AUTS2: variants seen among roughly 807,000 people sequenced by gnomAD.
AUTS2 encodes activator of transcription and developmental regulator AUTS2.
AUTS2 carries 17 observed loss-of-function variants against 112.4 expected under a neutral mutation model. The observed-to-expected ratio is 0.15, with a 90% CI of 0.10 to 0.23. AUTS2 has a LOEUF of 0.23. Among genes scored for constraint, AUTS2 ranks in the 10% least tolerant of loss-of-function variants. The pLI is 1.00. For missense variants in AUTS2, 1,510 were observed against 1,701.6 expected (o/e 0.89, Z 1.98); for synonymous variants, 751 against 702.7 (o/e 1.07, Z -1.09).
intron 1 of AUTS2, among the ~76,000 whole-genome samples, chr7:69,745,532 A>G (rs528321115): frequency 2.0e-5 from 3 of 152,286 alleles, no homozygotes; most frequent in South Asian, 4.1e-4. Flanking sequence ...TTTTCTTCTC[A>G]TTACGTCTGC....
chr7:69,653,704 A>G (rs1214831474), intron 1 of AUTS2, among the ~76,000 whole-genome samples: 1 of 149,244 alleles, frequency 6.7e-6, no homozygotes, highest in Non-Finnish European at 1.5e-5. Context: ...TTATTGATTC[A>G]CGATTACCTA....
intron 2 of AUTS2, among the ~76,000 whole-genome samples, chr7:70,034,075 A>G (rs1800896994): frequency 1.3e-5 from 2 of 152,208 alleles, no homozygotes. Context: ...GCCATAGCCC[A>G]TAAATATGGT....
At chr7:70,351,334 G>T (rs1030666672) in intron 4 of AUTS2, among the ~76,000 whole-genome samples, 1 of 152,168 alleles carries the variant, frequency 6.6e-6, no homozygotes. Flanking sequence ...GATTATAGGC[G>T]TGAGGCACCG....
intron 2 of AUTS2, among the ~76,000 whole-genome samples, chr7:69,966,753 C>T (rs1797649870): frequency 6.6e-6 from 1 of 152,166 alleles, no homozygotes; most frequent in Non-Finnish European, 1.5e-5. Flanking sequence ...GATTTCACCC[C>T]TTTCTCTCTG....
At chr7:70,715,110 A>G (rs1365163567) in intron 6 of AUTS2, among the ~76,000 whole-genome samples, 1 of 152,216 alleles carries the variant, frequency 6.6e-6, no homozygotes, top group Non-Finnish European at 1.5e-5. Flanking sequence ...TTCTTTGGTT[A>G]CACTCAAATA....
chr7:70,626,697 A>G (rs1229668660), intron 5 of AUTS2, among the ~76,000 whole-genome samples: 4 of 151,978 alleles, frequency 2.6e-5, no homozygotes, highest in Non-Finnish European at 5.9e-5. Context: ...CCCAATGTCT[A>G]TTGTTGCCAT....
intron 4 of AUTS2, among the ~76,000 whole-genome samples, chr7:70,313,742 G>A (rs1426016612): frequency 2.6e-5 from 4 of 152,196 alleles, no homozygotes; most frequent in Admixed American, 2.0e-4. Flanking sequence ...AAGAAGCCTT[G>A]TAGGTAATGT....
At chr7:70,179,957 T>G (rs959615168) in intron 4 of AUTS2, among the ~76,000 whole-genome samples, 7 of 152,144 alleles carry the variant, frequency 4.6e-5, no homozygotes, top group Non-Finnish European at 1.0e-4. Context: ...TCACAGGAGC[T>G]CTAATGCCAG....
intron 4 of AUTS2, among the ~76,000 whole-genome samples, chr7:70,245,121 A>G (rs1812831899): frequency 1.4e-5 from 1 of 70,594 alleles, no homozygotes; most frequent in African/African-American, 5.9e-5. Context: ...TCCTGCCTCA[A>G]AAAAAAAAAA....
At position 70,247,073 on chromosome 7, in the gene AUTS2, C is replaced by G. The variant is rs560435294; in HGVS notation, c.660+112502C>G. Among the ~76,000 whole-genome samples the G allele has an allele frequency of 4.6e-5, 7 of 152,160 alleles. No homozygotes were observed. In the East Asian group the frequency reaches 1.4e-3, roughly 29 times the overall value. On this transcript the variant is annotated intron_variant, in intron 4 of 18. Transcript: ENST00000342771. The stretch of plus-strand genomic sequence containing the variant: ...AAACAGATATTTGTTCACCAATGTT[C>G]ATAGCAGCACTATTCAGAATAGTCA...
intron 1 of AUTS2, among the ~76,000 whole-genome samples, chr7:69,673,770 C>T (rs1272545678): frequency 6.6e-6 from 1 of 152,174 alleles, no homozygotes; most frequent in African/African-American, 2.4e-5. Flanking sequence ...TCAGAAGTCA[C>T]ATCAACTTTT....
chr7:69,747,300 T>G (rs923391491), intron 1 of AUTS2, among the ~76,000 whole-genome samples: 1 of 152,218 alleles, frequency 6.6e-6, no homozygotes, highest in Non-Finnish European at 1.5e-5. Flanking sequence ...TACTTCTGCT[T>G]TACAAAATAG....
chr7:70,030,695 C>T (rs912808405), intron 2 of AUTS2, among the ~76,000 whole-genome samples: 4 of 152,122 alleles, frequency 2.6e-5, no homozygotes, highest in Non-Finnish European at 2.9e-5. Flanking sequence ...GTTTATGGCC[C>T]ATGTCATTGT....
At chr7:69,831,757 G>A (rs1584310525) in intron 1 of AUTS2, among the ~76,000 whole-genome samples, 2 of 152,192 alleles carry the variant, frequency 1.3e-5, no homozygotes, top group South Asian at 2.1e-4. Flanking sequence ...TATTGATGAT[G>A]AAAAATAAAC....
intron 4 of AUTS2, among the ~76,000 whole-genome samples, chr7:70,404,002 C>T (rs1298043877): frequency 6.6e-6 from 1 of 152,204 alleles, no homozygotes; most frequent in East Asian, 1.9e-4. Flanking sequence ...ACATGGATAA[C>T]AGTATATTTT....
intron 6 of AUTS2, among the ~76,000 whole-genome samples, chr7:70,717,296 C>T (rs894050414): frequency 2.6e-5 from 4 of 152,206 alleles, no homozygotes; most frequent in Non-Finnish European, 4.4e-5. Flanking sequence ...TCCTCCTATC[C>T]CAGCCTCCGA....
intron 4 of AUTS2, among the ~76,000 whole-genome samples, chr7:70,412,724 G>A (rs1794828077): frequency 6.6e-6 from 1 of 152,212 alleles, no homozygotes; most frequent in Non-Finnish European, 1.5e-5. Flanking sequence ...TGGGCGCAGT[G>A]GATCACACTT....
At chr7:70,117,113 T>TTG (rs1368656624) in intron 2 of AUTS2, among the ~76,000 whole-genome samples, 1 of 100,336 alleles carries the variant, frequency 1.0e-5, no homozygotes, top group African/African-American at 5.0e-5. Flanking sequence ...TGTTTTTTTT[T>TTG]TTTGTTTTTT....
intron 16 of AUTS2, chr7:70,785,260 C>T (rs767078452): frequency 8.2e-6 from 5 of 613,250 alleles, no homozygotes; most frequent in East Asian, 2.9e-5. Flanking sequence ...TCTGCCTGAA[C>T]TTCCCATGGT....
Sources: gnomAD v4.1 joint callset for allele counts (sites outside exome capture counted in the v4.1 genomes callset) on GRCh38, gnomAD v4.1.1 for gene constraint, MANE v1.5 for transcripts, NCBI Gene and HGNC (gene_info 2026-07-23, HGNC 2026-07-21) for gene names.